The following SLC1A2 variants were observed in gnomAD, a reference collection of about 807,000 sequenced individuals.
The protein encoded by SLC1A2 is solute carrier family 1 member 2.
Under a neutral mutation model 48.8 loss-of-function variants are expected in SLC1A2, and 15 were observed. The ratio of observed to expected loss-of-function variants is 0.31; its 90% confidence interval spans 0.21 to 0.47. SLC1A2 has a LOEUF of 0.47. Ranked by LOEUF, SLC1A2 falls within the 20% of genes least tolerant of loss-of-function variation. SLC1A2 has a pLI of 0.99. For missense variants in SLC1A2, 502 were observed against 730.5 expected (o/e 0.69, Z 3.61); for synonymous variants, 279 against 272.6 (o/e 1.02, Z -0.23).
intron 6 of SLC1A2, among the ~76,000 whole-genome samples, chr11:35,301,002 G>A (rs1290369982): frequency 2.0e-5 from 3 of 152,158 alleles, no homozygotes; most frequent in Non-Finnish European, 4.4e-5. Context: ...TCCAGTCTGG[G>A]TGATAGAGTC....
At chr11:35,299,650 C>A (rs970206810) in intron 6 of SLC1A2, 1 of 152,070 alleles carries the variant, frequency 6.6e-6, no homozygotes, top group Non-Finnish European at 1.5e-5. Context: ...CTATCCCACT[C>A]GTTCCTAAAG....
At chr11:35,355,032 T>C (rs1244468146) in intron 1 of SLC1A2, among the ~76,000 whole-genome samples, 1 of 152,240 alleles carries the variant, frequency 6.6e-6, no homozygotes, top group African/African-American at 2.4e-5. Flanking sequence ...GAAACTCCTA[T>C]AAATGATTAC....
At chr11:35,364,167 T>G (rs1460826862) in intron 1 of SLC1A2, among the ~76,000 whole-genome samples, 5 of 152,156 alleles carry the variant, frequency 3.3e-5, no homozygotes, top group African/African-American at 4.8e-5. Flanking sequence ...GGAGGTGGTG[T>G]CCAGGAGCTG....
chr11:35,386,027 A>C (rs368423146), intron 1 of SLC1A2, among the ~76,000 whole-genome samples: 1 of 152,170 alleles, frequency 6.6e-6, no homozygotes. Flanking sequence ...TTAGCCGGGC[A>C]TGGTGGCGGA....
chr11:35,267,621 A>T (rs1408877709), intron 9 of SLC1A2, among the ~76,000 whole-genome samples: 1 of 152,172 alleles, frequency 6.6e-6, no homozygotes, highest in South Asian at 2.1e-4. Flanking sequence ...AACGCTCCCA[A>T]CTAACTAGCT....
intron 5 of SLC1A2, 46 bp from the exon 6 acceptor site, chr11:35,301,691 G>A (rs750297603): frequency 6.9e-6 from 11 of 1,590,676 alleles, no homozygotes; most frequent in Admixed American, 1.7e-5. Flanking sequence ...TACAAAAAAT[G>A]TACTTTTTCT....
At chr11:35,288,679 G>A (rs997414817) in intron 7 of SLC1A2, among the ~76,000 whole-genome samples, 5 of 152,204 alleles carry the variant, frequency 3.3e-5, no homozygotes, top group East Asian at 3.9e-4. Context: ...CAATTAAGTC[G>A]ACTGGGAAAA....
Position 35,257,975 on chromosome 11 carries a change from A to C in SLC1A2, c.*2919T>G, listed in dbSNP as rs535598065. The C allele has an allele frequency of 6.6e-6, 1 of 152,238 alleles. No individual in the cohort carries two copies. Among genetic ancestry groups the C allele is most frequent in the Non-Finnish European group, 1.5e-5 (1 of 68,036 alleles). 9.4% of individuals were successfully genotyped at this position (152,238 alleles called of 1,614,324 possible). A position where few individuals can be genotyped will look rare whatever the true frequency, so the allele number is the denominator to read the frequency against. ...TAGGATAAATCTATACATATAATTG[A>C]CAGGTTAAATGTATTCTATTTAGAT... On this transcript the variant is annotated 3_prime_UTR_variant, in exon 11 of 11. Coordinates refer to ENST00000278379, the MANE Select transcript of SLC1A2 (RefSeq NM_004171.4).
chr11:35,370,132 C>T (rs1487847365), intron 1 of SLC1A2, among the ~76,000 whole-genome samples: 3 of 152,208 alleles, frequency 2.0e-5, no homozygotes, highest in Admixed American at 2.0e-4. Flanking sequence ...AACCATCAGC[C>T]AGGCAAGGGC....
intron 1 of SLC1A2, among the ~76,000 whole-genome samples, chr11:35,342,186 A>G (rs1034104817): frequency 1.3e-5 from 2 of 152,226 alleles, no homozygotes; most frequent in African/African-American, 4.8e-5. Flanking sequence ...AATGCATATA[A>G]ATGTATCATG....
chr11:35,282,965 C>T (rs746141446), intron 8 of SLC1A2, among the ~76,000 whole-genome samples: 1 of 151,538 alleles, frequency 6.6e-6, no homozygotes, highest in Admixed American at 6.6e-5. Flanking sequence ...CTTTGCCTGG[C>T]CTTCCACTCC....
chr11:35,345,790 T>A (rs1853008063), intron 1 of SLC1A2, among the ~76,000 whole-genome samples: 1 of 152,212 alleles, frequency 6.6e-6, no homozygotes, highest in South Asian at 2.1e-4. Flanking sequence ...AAAAATACAA[T>A]GATGAATATG....
chr11:35,350,434 A>G (rs1853208788), intron 1 of SLC1A2, among the ~76,000 whole-genome samples: 1 of 152,212 alleles, frequency 6.6e-6, no homozygotes, highest in African/African-American at 2.4e-5. Flanking sequence ...AACAACCCCA[A>G]AAGGTACAAA....
intron 1 of SLC1A2, among the ~76,000 whole-genome samples, chr11:35,355,144 T>G (rs529205304): frequency 1.0e-3 from 152 of 152,310 alleles, no homozygotes; most frequent in Non-Finnish European, 1.6e-3. Flanking sequence ...TTTCAAAGAA[T>G]TTTTCCCTTG....
intron 1 of SLC1A2, among the ~76,000 whole-genome samples, chr11:35,334,904 A>G (rs1333136741): frequency 6.6e-6 from 1 of 152,042 alleles, no homozygotes; most frequent in Non-Finnish European, 1.5e-5. Context: ...CATTTTGTAC[A>G]ATATGAGAAG....
chr11:35,324,875 C>T (rs1301485850), intron 1 of SLC1A2, among the ~76,000 whole-genome samples: 1 of 152,086 alleles, frequency 6.6e-6, no homozygotes, highest in Non-Finnish European at 1.5e-5. Context: ...AAATAAGACA[C>T]CAAGTAACAA....
At chr11:35,314,806 T>G (rs544147696) in intron 3 of SLC1A2, among the ~76,000 whole-genome samples, 8 of 151,812 alleles carry the variant, frequency 5.3e-5, no homozygotes, top group Non-Finnish European at 7.4e-5. Context: ...TTTCTTTTTT[T>G]TGCTGGAGAG....
chr11:35,262,803 T>G (rs1950413212), intron 10 of SLC1A2, among the ~76,000 whole-genome samples: 1 of 152,206 alleles, frequency 6.6e-6, no homozygotes. Context: ...CTGAAATAGT[T>G]GATAAACCAA....
At chr11:35,321,739 A>G (rs1261634684) in intron 1 of SLC1A2, among the ~76,000 whole-genome samples, 1 of 152,202 alleles carries the variant, frequency 6.6e-6, no homozygotes, top group African/African-American at 2.4e-5. Flanking sequence ...TCCCATGGCA[A>G]TGAGCAGAAA....
Sources: allele counts gnomAD v4.1 joint callset (sites outside exome capture counted in the v4.1 genomes callset), GRCh38; gene constraint gnomAD v4.1.1; transcripts MANE v1.5; gene names NCBI Gene and HGNC (gene_info 2026-07-23, HGNC 2026-07-21).